The following FAM184A variants were observed in gnomAD, a reference collection of about 807,000 sequenced individuals.
The protein encoded by FAM184A is protein FAM184A.
Under a neutral mutation model 143.8 loss-of-function variants are expected in FAM184A, and 99 were observed. The observed-to-expected ratio is 0.69, with a 90% confidence interval of 0.58 to 0.81. The LOEUF is 0.81. Ranked by LOEUF, FAM184A falls within the 40% of genes least tolerant of loss-of-function variation. The probability of loss-of-function intolerance (pLI) is 0.00; values close to 1 mark genes in which losing one functional copy is unlikely to be tolerated. For synonymous variants in FAM184A, 427 were observed against 446.4 expected, an observed-to-expected ratio of 0.96 and a Z score of 0.55; for missense variants, 1,217 against 1,310.5, an observed-to-expected ratio of 0.93 and a Z score of 1.10.
chr6:119,070,779 G>A (rs1439013599), intron 1 of FAM184A, among the ~76,000 whole-genome samples: 1 of 152,020 alleles, frequency 6.6e-6, no homozygotes, highest in Admixed American at 6.6e-5. Context: ...TTTACATTCT[G>A]AAGTGGGCTG....
At chr6:119,016,095 G>T (rs1562474269) in intron 5 of FAM184A, among the ~76,000 whole-genome samples, 2 of 152,188 alleles carry the variant, frequency 1.3e-5, no homozygotes, top group Non-Finnish European at 1.5e-5. Flanking sequence ...TGGAGAACCT[G>T]TGTGTGAAAC....
At chr6:119,115,970 A>ACACACACACACACACACACAC (rs1789047606) in intron 1 of FAM184A, among the ~76,000 whole-genome samples, 1 of 137,294 alleles carries the variant, frequency 7.3e-6, no homozygotes, top group African/African-American at 2.7e-5. Context: ...CTCCGTCTCA[A>ACACACACACACACACACACAC]ACACACACAC....
rs752744998 is a variant in FAM184A at position 119,022,931 on chromosome 6, G to A, written c.1150+14C>T. The A allele has an allele frequency of 1.9e-6, 3 of 1,613,784 alleles. No individual in the cohort carries two copies. In the South Asian group the frequency reaches 3.3e-5, roughly 18 times the overall value. On this transcript the variant is annotated intron_variant, in intron 3 of 17. Coordinates refer to ENST00000338891, the MANE Select transcript of FAM184A (RefSeq NM_024581.6). ...TTAGCTAAGCATTACATCAAAAACT[G>A]TGGTCACACATACTAGCTTTGAGGA...
intron 1 of FAM184A, among the ~76,000 whole-genome samples, chr6:119,029,672 TTAGAA>T (rs1785798592): frequency 6.6e-6 from 1 of 152,272 alleles, no homozygotes; most frequent in South Asian, 2.1e-4. Flanking sequence ...AAGCATTAAG[TTAGAA>T]TAGGATTTAA....
chr6:119,096,493 G>T lies in FAM184A; in HGVS notation c.-202+52585C>A, dbSNP rs1485788183. ...CTACTAAAAATACAAAAAATTAGCC[G>T]GGCGCGGTGGCGGGCGCCTGTAGTC... On this transcript the variant is annotated intron_variant, in intron 1 of 16. Transcript: ENST00000352896. Among the ~76,000 whole-genome samples, 2 of 85,124 alleles carry T rather than the reference G, an allele frequency of 2.3e-5. 1 individual carries two copies. Among genetic ancestry groups the T allele is most frequent in the Non-Finnish European group, 4.7e-5 (2 of 42,492 alleles). 55.8% of individuals were successfully genotyped at this position (85,124 alleles called of 152,430 possible). A position where few individuals can be genotyped will look rare whatever the true frequency, so the allele number is the denominator to read the frequency against.
At chr6:119,009,932 T>C (rs1785040177) in intron 6 of FAM184A, among the ~76,000 whole-genome samples, 1 of 152,202 alleles carries the variant, frequency 6.6e-6, no homozygotes, top group African/African-American at 2.4e-5. Context: ...AAAATCTCTT[T>C]AACATCTCAG....
At chr6:119,066,920 A>T (rs764037651) in intron 1 of FAM184A, among the ~76,000 whole-genome samples, 2 of 152,240 alleles carry the variant, frequency 1.3e-5, no homozygotes, top group African/African-American at 2.4e-5. Flanking sequence ...ATAGACAAAG[A>T]CTTTTAACAA....
chr6:119,042,173 C>CG (rs1383580398), intron 1 of FAM184A, among the ~76,000 whole-genome samples: 1 of 152,076 alleles, frequency 6.6e-6, no homozygotes, highest in African/African-American at 2.4e-5. Flanking sequence ...AACCCAGAAC[C>CG]GGGGGTACAT....
At chr6:119,018,811 C>T (rs988253125) in intron 4 of FAM184A, among the ~76,000 whole-genome samples, 4 of 151,866 alleles carry the variant, frequency 2.6e-5, no homozygotes, top group South Asian at 2.1e-4. Flanking sequence ...GGAAGTAGAA[C>T]CAACAGGACT....
intron 5 of FAM184A, among the ~76,000 whole-genome samples, chr6:119,015,637 C>A (rs1371745630): frequency 6.6e-6 from 1 of 152,226 alleles, no homozygotes; most frequent in Non-Finnish European, 1.5e-5. Context: ...GCAACCCGAG[C>A]CTCCCCCGAC....
intron 1 of FAM184A, among the ~76,000 whole-genome samples, chr6:119,054,928 G>A (rs773640608): frequency 1.3e-5 from 2 of 151,778 alleles, no homozygotes; most frequent in Admixed American, 6.6e-5. Flanking sequence ...CCCCTTTAAA[G>A]TGTACAATTC....
At chr6:119,145,082 T>C (rs1300039436) in intron 1 of FAM184A, among the ~76,000 whole-genome samples, 1 of 152,226 alleles carries the variant, frequency 6.6e-6, no homozygotes, top group Non-Finnish European at 1.5e-5. Context: ...CCTTGTGCTG[T>C]AGCTGCAGCT....
chr6:118,992,033 G>A, intron 9 of FAM184A, among the ~76,000 whole-genome samples: 1 of 151,866 alleles, frequency 6.6e-6, no homozygotes, highest in East Asian at 1.9e-4. Flanking sequence ...CAAAGTGCTG[G>A]GATTACAGGT....
chr6:119,006,539 T>G lies in FAM184A; in HGVS notation c.1723A>C (p.Ser575Arg), dbSNP rs368692192. 4 of 1,613,940 alleles carry G rather than the reference T, an allele frequency of 2.5e-6. No homozygotes were observed. The highest frequency in any genetic ancestry group is 1.6e-4 in the Middle Eastern group (1 of 6,082). ...GLGSAEGLIA[S>R]LQDSQERLQN... ...AGCCTTTCCTGGGAGTCCTGAAGAC[T>G]AGCAATAAGTCCTTCTGCAGAGCCA... Residue 575 changes from serine to arginine, a missense_variant, in exon 7 of 18, where the codon AGT becomes CGT. By Grantham distance (110) the Ser-to-Arg change is moderately radical. Coordinates refer to ENST00000338891, the MANE Select transcript of FAM184A (RefSeq NM_024581.6).
At chr6:119,106,924 T>C (rs1788802837) in intron 1 of FAM184A, among the ~76,000 whole-genome samples, 1 of 152,122 alleles carries the variant, frequency 6.6e-6, no homozygotes, top group Non-Finnish European at 1.5e-5. Context: ...TAATTAGGAG[T>C]AACTTTTTCC....
intron 1 of FAM184A, among the ~76,000 whole-genome samples, chr6:119,097,314 C>T (rs1404851905): frequency 2.6e-5 from 4 of 152,154 alleles, no homozygotes; most frequent in Non-Finnish European, 5.9e-5. Flanking sequence ...TCTCCAATTT[C>T]TTGTGTTCTT....
At chr6:118,963,396 A>T (rs1222735625) in intron 16 of FAM184A, 5 of 152,154 alleles carry the variant, frequency 3.3e-5, no homozygotes, top group African/African-American at 7.2e-5. Context: ...ATTATGAATT[A>T]AAAAACTAAA....
At chr6:119,057,666 C>T (rs79733717) in intron 1 of FAM184A, among the ~76,000 whole-genome samples, 1 of 152,056 alleles carries the variant, frequency 6.6e-6, no homozygotes, top group African/African-American at 2.4e-5. Context: ...TCACTTAGAC[C>T]CAGGAAGTGG....
chr6:118,968,198 G>A (rs1783558219), intron 14 of FAM184A, among the ~76,000 whole-genome samples: 1 of 152,002 alleles, frequency 6.6e-6, no homozygotes, highest in Non-Finnish European at 1.5e-5. Flanking sequence ...GGTTTCCCTG[G>A]GCCACATTTA....
Sources: gnomAD v4.1 joint callset for allele counts (sites outside exome capture counted in the v4.1 genomes callset) on GRCh38, gnomAD v4.1.1 for gene constraint, MANE v1.5 for transcripts, NCBI Gene and HGNC (gene_info 2026-07-23, HGNC 2026-07-21) for gene names.